The following KLRG1 variants were observed in gnomAD, a reference collection of about 807,000 sequenced individuals.
KLRG1 encodes the protein killer cell lectin-like receptor subfamily G member 1.
A neutral mutation model predicts 21.8 loss-of-function variants in KLRG1; 16 were observed. The ratio of observed to expected loss-of-function variants is 0.73; its 90% CI spans 0.50 to 1.11. The LOEUF is 1.11. Among genes scored for constraint, KLRG1 ranks in the 50% most tolerant of loss-of-function variants. The pLI is 0.00. For missense variants in KLRG1, 173 were observed against 218.3 expected, an observed-to-expected ratio of 0.79 and a Z score of 1.31; for synonymous variants, 69 against 75.9, an observed-to-expected ratio of 0.91 and a Z score of 0.47.
the KLRG1 span, among the ~76,000 whole-genome samples, chr12:9,158,758 T>TTTTC: frequency 7.9e-5 from 1 of 12,732 alleles, no homozygotes; most frequent in African/African-American, 4.2e-4. Flanking sequence ...TTTTCTTTTC[T>TTTTC]TTTTTTTTTT....
chr12:9,101,695 T>G, the KLRG1 span: 1 of 1,536,388 alleles, frequency 6.5e-7, no homozygotes, highest in Non-Finnish European at 8.9e-7. Flanking sequence ...AGAAAAATTA[T>G]ATTATTTTTA....
chr12:9,106,238 G>C, the KLRG1 span: 150 of 1,596,508 alleles, frequency 9.4e-5, no homozygotes, highest in African/African-American at 1.9e-3. Context: ...TACTCCACCT[G>C]CCCAAAGAAG....
chr12:9,095,324 C>T, the KLRG1 span, among the ~76,000 whole-genome samples: 29 of 152,140 alleles, frequency 1.9e-4, no homozygotes, highest in African/African-American at 6.3e-4. Flanking sequence ...GCAATTAATT[C>T]CTGTGAAAAA....
the KLRG1 span, chr12:9,201,109 C>A: frequency 2.5e-6 from 4 of 1,593,912 alleles, no homozygotes; most frequent in African/African-American, 5.4e-5. Context: ...TCACAATAGT[C>A]CTTGAGCAAC....
chr12:9,173,483 C>G, the KLRG1 span, among the ~76,000 whole-genome samples: 1 of 151,724 alleles, frequency 6.6e-6, no homozygotes, highest in Non-Finnish European at 1.5e-5. Context: ...CAAAGCTGAG[C>G]TGAAGGAGAT....
At chr12:9,192,700 A>G in the KLRG1 span, 2 of 1,613,558 alleles carry the variant, frequency 1.2e-6, no homozygotes, top group South Asian at 2.2e-5. Flanking sequence ...TCTGCTACCC[A>G]TGAATAGTGA....
chr12:8,970,086 A>G (rs1421504077), intron 1 of KLRG1, among the ~76,000 whole-genome samples: 1 of 152,220 alleles, frequency 6.6e-6, no homozygotes, highest in Non-Finnish European at 1.5e-5. Context: ...ATTCTCCACC[A>G]GTCTGGGCTA....
the KLRG1 span, chr12:9,028,211 G>A: frequency 5.2e-6 from 3 of 572,590 alleles, no homozygotes; most frequent in Non-Finnish European, 6.2e-6. Flanking sequence ...GAATGCAATG[G>A]TGTGATCTCG....
the KLRG1 span, among the ~76,000 whole-genome samples, chr12:9,030,676 G>A: frequency 2.0e-5 from 3 of 152,176 alleles, no homozygotes; most frequent in East Asian, 3.8e-4. Context: ...AAAGTGCTGG[G>A]ATTACAGGCG....
the KLRG1 span, among the ~76,000 whole-genome samples, chr12:9,035,236 G>A: frequency 6.6e-6 from 1 of 152,082 alleles, no homozygotes; most frequent in East Asian, 1.9e-4. Flanking sequence ...AGAAAATGTG[G>A]CACATATACA....
chr12:9,037,292 CT>C, the KLRG1 span: 2 of 153,580 alleles, frequency 1.3e-5, no homozygotes, highest in Non-Finnish European at 2.9e-5. Context: ...CTTTAATATA[CT>C]TTCATTGTGA....
the KLRG1 span, among the ~76,000 whole-genome samples, chr12:9,204,844 C>T: frequency 1.3e-4 from 20 of 152,190 alleles, no homozygotes; most frequent in East Asian, 1.5e-3. Flanking sequence ...ACCTAGTTCC[C>T]GGCACTTTGG....
chr12:9,001,581 C>T (rs1947309354), intron 3 of KLRG1, among the ~76,000 whole-genome samples: 1 of 152,296 alleles, frequency 6.6e-6, no homozygotes, highest in South Asian at 2.1e-4. Flanking sequence ...CCATCTCTGA[C>T]CCCCTGGCCG....
the KLRG1 span, among the ~76,000 whole-genome samples, chr12:9,133,425 C>T: frequency 1.3e-5 from 2 of 152,132 alleles, no homozygotes; most frequent in African/African-American, 4.8e-5. Context: ...ACCACATGTT[C>T]CTGCCATTGG....
chr12:9,100,996 C>A, the KLRG1 span: 1 of 716,778 alleles, frequency 1.4e-6, no homozygotes, highest in African/African-American at 1.8e-5. Flanking sequence ...GAAATCACTA[C>A]CAAAGAATTT....
the KLRG1 span, chr12:9,200,938 T>A: frequency 1.2e-5 from 20 of 1,613,982 alleles, no homozygotes; most frequent in Non-Finnish European, 1.7e-5. Context: ...CACCTGATTC[T>A]GTCTGTACCA....
intron 1 of KLRG1, among the ~76,000 whole-genome samples, chr12:8,971,666 T>C (rs2137255722): frequency 6.6e-6 from 1 of 151,736 alleles, no homozygotes; most frequent in African/African-American, 2.4e-5. Flanking sequence ...AATTTTTGTA[T>C]TTTCAGTAGA....
At chr12:9,098,601 A>G in the KLRG1 span, 2 of 1,592,340 alleles carry the variant, frequency 1.3e-6, no homozygotes, top group Non-Finnish European at 1.7e-6. Flanking sequence ...GCTGCCAGGA[A>G]CTCACCGAGG....
At chr12:8,995,799 C>T (rs1166291363) in intron 3 of KLRG1, among the ~76,000 whole-genome samples, 1 of 151,976 alleles carries the variant, frequency 6.6e-6, no homozygotes, top group African/African-American at 2.4e-5. Flanking sequence ...TCTCCTGCCT[C>T]AGCCTCCCAA....
Sources: allele counts gnomAD v4.1 joint callset (sites outside exome capture counted in the v4.1 genomes callset), GRCh38; gene constraint gnomAD v4.1.1; transcripts MANE v1.5; gene names NCBI Gene and HGNC (gene_info 2026-07-23, HGNC 2026-07-21).